Variants in ATXN7L1 observed in about 807,000 individuals in gnomAD.
ATXN7L1 encodes ataxin-7-like protein 1.
A neutral mutation model predicts 70.8 loss-of-function variants in ATXN7L1; 15 were observed. That is an observed-to-expected ratio of 0.21 (90% confidence interval 0.14 to 0.33). The LOEUF is 0.33. Among genes scored for constraint, ATXN7L1 ranks in the 10% least tolerant of loss-of-function variants. The pLI, the probability that ATXN7L1 is intolerant of heterozygous loss-of-function variation, is 1.00. For synonymous variants in ATXN7L1, 440 were observed against 445.1 expected, an observed-to-expected ratio of 0.99 and a Z score of 0.14; for missense variants, 975 against 1,097.1, an observed-to-expected ratio of 0.89 and a Z score of 1.57.
chr7:105,848,549 C>T (rs1335152140), intron 2 of ATXN7L1, among the ~76,000 whole-genome samples: 1 of 152,138 alleles, frequency 6.6e-6, no homozygotes, highest in Non-Finnish European at 1.5e-5. Flanking sequence ...CAATGGAATA[C>T]TTAATAACTA....
intron 3 of ATXN7L1, among the ~76,000 whole-genome samples, chr7:105,709,431 C>A (rs900617046): frequency 6.6e-6 from 1 of 152,096 alleles, no homozygotes; most frequent in African/African-American, 2.4e-5. Flanking sequence ...CCAGCCAATT[C>A]CTAGAGATAG....
intron 3 of ATXN7L1, among the ~76,000 whole-genome samples, chr7:105,757,398 T>C (rs747945165): frequency 2.6e-4 from 39 of 152,284 alleles, no homozygotes; most frequent in Admixed American, 1.5e-3. Flanking sequence ...TTTTATAGTA[T>C]AGATGGTAAG....
At position 105,624,699 on chromosome 7, in the gene ATXN7L1, G is replaced by C. The variant is rs952856537; in HGVS notation, c.1203-432C>G. ...ATTAGCCTTGCCAGTACCTCAGGGAGGGCACATTGGTGGTGACTTTGCATA... is the reference window on the plus strand; with the variant it reads ...ATTAGCCTTGCCAGTACCTCAGGGACGGCACATTGGTGGTGACTTTGCATA... On this transcript the variant is annotated intron_variant, in intron 7 of 11. Coordinates refer to ENST00000419735, the MANE Select transcript of ATXN7L1 (RefSeq NM_020725.2). Among the ~76,000 whole-genome samples the C allele has an allele frequency of 2.6e-5, 4 of 151,692 alleles. No homozygotes were observed. In the East Asian group the frequency reaches 5.8e-4, roughly 22 times the overall value.
intron 3 of ATXN7L1, among the ~76,000 whole-genome samples, chr7:105,716,600 T>C (rs1478430041): frequency 6.7e-6 from 1 of 148,676 alleles, no homozygotes; most frequent in Non-Finnish European, 1.5e-5. Flanking sequence ...GAGACCTAGG[T>C]GGGCAGATGG....
chr7:105,768,042 C>T (rs1188988487), intron 3 of ATXN7L1, among the ~76,000 whole-genome samples: 4 of 152,232 alleles, frequency 2.6e-5, no homozygotes, highest in Non-Finnish European at 5.9e-5. Flanking sequence ...AAGGACGCTT[C>T]ATAGATGATC....
At chr7:105,659,389 C>A (rs1801222721) in intron 4 of ATXN7L1, among the ~76,000 whole-genome samples, 1 of 152,116 alleles carries the variant, frequency 6.6e-6, no homozygotes, top group Admixed American at 6.5e-5. Flanking sequence ...TGAGAGGTTT[C>A]CATACAGGAG....
Position 105,863,635 on chromosome 7 carries a change from C to T in ATXN7L1, c.250+12177G>A, listed in dbSNP as rs138722724. On this transcript the variant is annotated intron_variant, in intron 2 of 11. Transcript: ENST00000419735. ...CTTAGAGCACAGTCTCTGGAATCAG[C>T]CTGCCTTGGGGTTCAGGGCAGCTCT... 2.8e-3 allele frequency among the ~76,000 whole-genome samples: 423 copies of T among 152,268 alleles called. 3 individuals are homozygous for T. The highest frequency in any genetic ancestry group is 9.7e-3 in the African/African-American group (405 of 41,554).
rs567101607 is a variant in ATXN7L1 at position 105,823,596 on chromosome 7, A to G, written c.251-34888T>C. Among the ~76,000 whole-genome samples, 6 of 152,342 alleles carry G rather than the reference A, an allele frequency of 3.9e-5. No homozygotes were observed. The East Asian group carries it at 5.8e-4, about 15-fold the overall frequency. On this transcript the variant is annotated intron_variant, in intron 2 of 11. Coordinates refer to ENST00000419735, the MANE Select transcript of ATXN7L1 (RefSeq NM_020725.2). ...TGCCTTGAACCCACTTGGTTCCACT[A>G]TCTGTTGATTGGCTGAATGAATGGT...
chr7:105,818,417 A>T (rs976058873), intron 2 of ATXN7L1, among the ~76,000 whole-genome samples: 1 of 152,110 alleles, frequency 6.6e-6, no homozygotes, highest in Admixed American at 6.5e-5. Flanking sequence ...CGGCCTCCCA[A>T]AGTGCTGGGA....
At chr7:105,619,554 T>A (rs1369010254) in intron 9 of ATXN7L1, among the ~76,000 whole-genome samples, 8 of 55,124 alleles carry the variant, frequency 1.5e-4, no homozygotes, top group South Asian at 6.4e-4. Flanking sequence ...TTTTTTTTTT[T>A]TTTTTTTTTT....
chr7:105,870,148 G>C (rs1351662020), intron 2 of ATXN7L1, among the ~76,000 whole-genome samples: 2 of 152,042 alleles, frequency 1.3e-5, no homozygotes, highest in Non-Finnish European at 1.5e-5. Context: ...CAGGTGTGGT[G>C]GTGGGTACCT....
At chr7:105,694,218 T>C (rs1326257180) in intron 3 of ATXN7L1, among the ~76,000 whole-genome samples, 1 of 151,564 alleles carries the variant, frequency 6.6e-6, no homozygotes, top group African/African-American at 2.4e-5. Flanking sequence ...TGGCTAATTT[T>C]TATATTTTTA....
At chr7:105,716,929 AATG>A (rs1334531645) in intron 3 of ATXN7L1, among the ~76,000 whole-genome samples, 8 of 152,124 alleles carry the variant, frequency 5.3e-5, no homozygotes, top group African/African-American at 7.2e-5. Flanking sequence ...TAATTATTAA[AATG>A]ATAAGTGTAT....
intron 7 of ATXN7L1, among the ~76,000 whole-genome samples, chr7:105,624,661 A>AAC (rs1476564402): frequency 4.6e-5 from 7 of 151,570 alleles, no homozygotes; most frequent in African/African-American, 7.3e-5. Flanking sequence ...AAAAAAAAAA[A>AAC]AAAAACAGCC....
At chr7:105,658,130 G>T (rs846945) in intron 4 of ATXN7L1, among the ~76,000 whole-genome samples, 34,836 of 151,850 alleles carry the variant, frequency 0.23, 5,387 homozygotes, top group African/African-American at 0.44. Context: ...AATGCAATGA[G>T]AGGTCATTTC....
At chr7:105,618,895 A>G (rs1326204864) in intron 9 of ATXN7L1, among the ~76,000 whole-genome samples, 1 of 152,312 alleles carries the variant, frequency 6.6e-6, no homozygotes, top group East Asian at 1.9e-4. Flanking sequence ...TTAAAATGTA[A>G]GTACACTGGG....
intron 2 of ATXN7L1, among the ~76,000 whole-genome samples, chr7:105,875,491 A>C (rs1818984649): frequency 6.6e-6 from 1 of 151,962 alleles, no homozygotes; most frequent in African/African-American, 2.4e-5. Flanking sequence ...TCCACTCTTC[A>C]TTTCAGAAAT....
At chr7:105,717,019 C>A (rs531393515) in intron 3 of ATXN7L1, among the ~76,000 whole-genome samples, 3 of 152,180 alleles carry the variant, frequency 2.0e-5, no homozygotes, top group East Asian at 1.9e-4. Flanking sequence ...CCATTTCAGT[C>A]AAAAATACAC....
intron 2 of ATXN7L1, chr7:105,819,748 A>G (rs931668405): frequency 1.3e-6 from 1 of 743,068 alleles, no homozygotes; most frequent in African/African-American, 1.8e-5. Context: ...ACCTCGAGGC[A>G]TGTTGCCCCA....
Sources: gnomAD v4.1 joint callset for allele counts (sites outside exome capture counted in the v4.1 genomes callset) on GRCh38, gnomAD v4.1.1 for gene constraint, MANE v1.5 for transcripts, NCBI Gene and HGNC (gene_info 2026-07-23, HGNC 2026-07-21) for gene names.